The following RIMS2 variants were observed in gnomAD, a reference collection of about 807,000 sequenced individuals.
RIMS2 encodes the protein regulating synaptic membrane exocytosis 2, also known as regulating synaptic membrane exocytosis protein 2.
A neutral mutation model predicts 174.4 loss-of-function variants in RIMS2; 59 were observed. The observed-to-expected ratio is 0.34, with a 90% CI of 0.27 to 0.42. The LOEUF (loss-of-function observed/expected upper bound fraction) is 0.42. Ranked by LOEUF, RIMS2 falls within the 10% of genes least tolerant of loss-of-function variation. The pLI is 1.00. For missense variants in RIMS2, 1,620 were observed against 1,666.3 expected (o/e 0.97, Z 0.48); for synonymous variants, 606 against 572.5 (o/e 1.06, Z -0.84).
chr8:103,621,807 T>G (rs2095641368), intron 1 of RIMS2, among the ~76,000 whole-genome samples: 2 of 152,210 alleles, frequency 1.3e-5, no homozygotes. Flanking sequence ...AATGGTTGTA[T>G]TTTTGAGACA....
At chr8:103,931,614 T>C (rs2079965492) in intron 12 of RIMS2, among the ~76,000 whole-genome samples, 1 of 152,130 alleles carries the variant, frequency 6.6e-6, no homozygotes, top group East Asian at 1.9e-4. Flanking sequence ...TTTAGGCATG[T>C]GTGTATTATT....
chr8:103,918,428 T>C lies in RIMS2; in HGVS notation c.2037-13T>C. ...ACAGTTTCTGTCTTTCTTTTTTTTT[T>C]TAATCATTTCAGAGATATACCGCGA... On this transcript the variant is annotated splice_polypyrimidine_tract_variant and intron_variant, in intron 8 of 23. Coordinates refer to ENST00000504942, the Ensembl canonical transcript of RIMS2. 6.6e-7 allele frequency: 1 copy of C among 1,523,902 alleles called. No individual in the cohort carries two copies. The allele number at this position is 1,523,902 out of a possible 1,614,324, so 94.4% of individuals were successfully genotyped here.
chr8:103,696,328 T>G (rs1388968487), intron 1 of RIMS2, among the ~76,000 whole-genome samples: 3 of 152,166 alleles, frequency 2.0e-5, no homozygotes, highest in Non-Finnish European at 4.4e-5. Flanking sequence ...TCTCTTTGGA[T>G]TCTTTTTAAT....
intron 16 of RIMS2, among the ~76,000 whole-genome samples, chr8:103,981,479 A>G (rs1209647109): frequency 6.6e-6 from 1 of 152,164 alleles, no homozygotes; most frequent in African/African-American, 2.4e-5. Flanking sequence ...ATGCCAAGAC[A>G]CCAAAGACCG....
chr8:103,938,687 C>T (rs1432955233), intron 13 of RIMS2, among the ~76,000 whole-genome samples: 5 of 152,178 alleles, frequency 3.3e-5, no homozygotes, highest in Admixed American at 3.3e-4. Flanking sequence ...AGTCCAAAGT[C>T]TCATCTGAGA....
At position 103,876,867 on chromosome 8, in the gene RIMS2, TATATA is replaced by T. The variant is rs2099141021; in HGVS notation, c.699-8430_699-8426del. 1.5e-3 allele frequency among the ~76,000 whole-genome samples: 44 copies of T among 28,474 alleles called. 3 individuals carry two copies. The highest frequency in any genetic ancestry group is 5.0e-3 in the South Asian group (3 of 606). The allele number at this position is 28,474 out of a possible 152,430, so 18.7% of individuals were successfully genotyped here. A position where few individuals can be genotyped will look rare whatever the true frequency, so the allele number is the denominator to read the frequency against. ...ATATATACACACACACACTATTTTA[TATATA>T]TATATATATATATATATATATATAT... On this transcript the variant is annotated intron_variant, in intron 3 of 23. Coordinates refer to ENST00000504942, the Ensembl canonical transcript of RIMS2.
intron 1 of RIMS2, among the ~76,000 whole-genome samples, chr8:103,591,609 T>G (rs1488973969): frequency 3.3e-5 from 5 of 151,274 alleles, no homozygotes; most frequent in Non-Finnish European, 7.4e-5. Flanking sequence ...GGGTTGACAT[T>G]CCTTTTAAAA....
At chr8:103,739,042 G>A (rs1470497890) in intron 2 of RIMS2, among the ~76,000 whole-genome samples, 4 of 152,128 alleles carry the variant, frequency 2.6e-5, no homozygotes, top group African/African-American at 9.7e-5. Context: ...TATACCCAAA[G>A]GATTATAAAT....
At chr8:104,185,613 G>A (rs575525459) in intron 19 of RIMS2, among the ~76,000 whole-genome samples, 1 of 151,468 alleles carries the variant, frequency 6.6e-6, no homozygotes, top group Non-Finnish European at 1.5e-5. Context: ...ACATACAAAT[G>A]GCTAACAGAT....
chr8:103,543,049 G>A (rs190406614), intron 1 of RIMS2, among the ~76,000 whole-genome samples: 3 of 152,194 alleles, frequency 2.0e-5, no homozygotes, highest in East Asian at 1.9e-4. Flanking sequence ...TGAAATAAAG[G>A]CACCCAAATT....
chr8:103,647,254 G>C (rs71520842), intron 1 of RIMS2, among the ~76,000 whole-genome samples: 17,677 of 152,086 alleles, frequency 0.12, 1,381 homozygotes, highest in Non-Finnish European at 0.17. Context: ...ATTTATGTTT[G>C]ACAGTTTTTG....
chr8:103,697,277 T>G (rs1310699693), exon 2 of RIMS2: 2 of 1,612,936 alleles, frequency 1.2e-6, no homozygotes, highest in Non-Finnish European at 1.7e-6. Flanking sequence ...GGAGGTCGAG[T>G]GTCATTACGC....
chr8:103,800,325 AT>A (rs975768065), intron 3 of RIMS2, among the ~76,000 whole-genome samples: 30 of 151,828 alleles, frequency 2.0e-4, no homozygotes, highest in Admixed American at 7.2e-4. Context: ...CTTTTATTTC[AT>A]TTTTTTATCC....
chr8:103,916,394 A>C lies in RIMS2; in HGVS notation c.1913-20A>C. The C allele has an allele frequency of 6.4e-7, 1 of 1,570,050 alleles. No homozygotes were observed. The highest frequency in any genetic ancestry group is 1.7e-4 in the Middle Eastern group (1 of 5,846). ...ATCAAATTTTCTGTATAAGATTATT[A>C]TTACTGACACCCACTATAGGTGATG... On this transcript the variant is annotated intron_variant, in intron 7 of 23. Transcript: ENST00000504942.
At chr8:104,127,236 A>G (rs1361947731) in intron 19 of RIMS2, among the ~76,000 whole-genome samples, 2 of 152,194 alleles carry the variant, frequency 1.3e-5, no homozygotes, top group East Asian at 1.9e-4. Context: ...TTATTCTAAA[A>G]GAAAACGTTG....
At chr8:103,812,755 C>T (rs956729919) in intron 3 of RIMS2, among the ~76,000 whole-genome samples, 26 of 152,158 alleles carry the variant, frequency 1.7e-4, no homozygotes, top group Admixed American at 1.6e-3. Flanking sequence ...TTATTTTTTG[C>T]TTATATGTTA....
At chr8:103,800,818 CAG>C (rs2098602291) in intron 3 of RIMS2, among the ~76,000 whole-genome samples, 1 of 152,076 alleles carries the variant, frequency 6.6e-6, no homozygotes, top group African/African-American at 2.4e-5. Context: ...TTGATTTAAT[CAG>C]GGAATGCTGG....
At chr8:103,607,527 C>A (rs2095167579) in intron 1 of RIMS2, among the ~76,000 whole-genome samples, 1 of 150,210 alleles carries the variant, frequency 6.7e-6, no homozygotes, top group Non-Finnish European at 1.5e-5. Context: ...CTCTGTTTTT[C>A]CTGAATCTGA....
intron 3 of RIMS2, among the ~76,000 whole-genome samples, chr8:103,878,675 G>A (rs778980182): frequency 3.3e-5 from 5 of 150,660 alleles, no homozygotes; most frequent in African/African-American, 4.9e-5. Context: ...TAGATTTCAC[G>A]TGTGAATTCA....
Sources: allele counts gnomAD v4.1 joint callset (sites outside exome capture counted in the v4.1 genomes callset), GRCh38; gene constraint gnomAD v4.1.1; transcripts MANE v1.5; gene names NCBI Gene and HGNC (gene_info 2026-07-23, HGNC 2026-07-21).